Variants in TPM3 observed in about 807,000 individuals in gnomAD.
TPM3 encodes the protein tropomyosin 3.
Under a neutral mutation model 43.1 loss-of-function variants are expected in TPM3, and 16 were observed. The observed-to-expected ratio is 0.37, with a 90% CI of 0.25 to 0.56. TPM3 has a LOEUF of 0.56. Ranked by LOEUF, TPM3 falls within the 20% of genes least tolerant of loss-of-function variation. The probability of loss-of-function intolerance (pLI) is 0.77; values close to 1 mark genes in which losing one functional copy is unlikely to be tolerated. For missense variants in TPM3, 176 were observed against 337.2 expected (o/e 0.52, Z 3.74); for synonymous variants, 101 against 116.9 (o/e 0.86, Z 0.88).
At chr1:154,188,476 C>G (rs750344215) in intron 2 of TPM3, among the ~76,000 whole-genome samples, 1 of 150,622 alleles carries the variant, frequency 6.6e-6, no homozygotes, top group Non-Finnish European at 1.5e-5. Flanking sequence ...GAGATCGAGA[C>G]CATCCTGGCT....
intron 2 of TPM3, among the ~76,000 whole-genome samples, chr1:154,189,060 A>G (rs1473730040): frequency 7.1e-6 from 1 of 139,872 alleles, no homozygotes; most frequent in Non-Finnish European, 1.5e-5. Flanking sequence ...TGAACCCGGG[A>G]GGTGGAGGTT....
At chr1:154,183,340 C>G in intron 2 of TPM3, 1 of 1,440,028 alleles carries the variant, frequency 6.9e-7, no homozygotes, top group Admixed American at 2.3e-5. Context: ...CTCCCAGTCG[C>G]CCTGGAGTAC....
chr1:154,158,558 CCAGT>C (rs1034045946), downstream of TPM3: 3 of 342,520 alleles, frequency 8.8e-6, no homozygotes, highest in African/African-American at 6.3e-5. Flanking sequence ...TTTTTTCCAC[CCAGT>C]CAGAAGGACC....
chr1:154,191,971 C>T lies in TPM3; in HGVS notation c.48G>A (p.Lys16=), dbSNP rs1663698216. Residue 16 remains lysine (K), a synonymous_variant, in exon 1 of 10, where the codon AAG becomes AAA. Coordinates refer to ENST00000651641, the MANE Select transcript of TPM3 (RefSeq NM_152263.4). ...KKKMQMLKLD[K]ENALDRAEQA... ...GCTCTGCCCGATCCAGAGCATTCTC[C>T]TTGTCTAACTTCAGCATCTGCATCT... The T allele has an allele frequency of 6.2e-7, 1 of 1,613,860 alleles. No individual in the cohort carries two copies. Among genetic ancestry groups the T allele is most frequent in the Non-Finnish European group, 8.5e-7 (1 of 1,180,038 alleles).
intron 5 of TPM3, chr1:154,172,217 A>T: frequency 9.6e-7 from 1 of 1,039,148 alleles, no homozygotes; most frequent in Non-Finnish European, 1.5e-6. Flanking sequence ...AATTCAAAAA[A>T]TGGGAAGAGA....
intron 8 of TPM3, 86 bp downstream of exon 8, chr1:154,170,314 T>G (rs989081858): frequency 6.9e-7 from 1 of 1,457,382 alleles, no homozygotes; most frequent in African/African-American, 1.4e-5. Flanking sequence ...ACCAACTTCC[T>G]TTGGTGTACA....
chr1:154,186,663 A>G (rs1474756034), intron 2 of TPM3, among the ~76,000 whole-genome samples: 1 of 151,694 alleles, frequency 6.6e-6, no homozygotes, highest in East Asian at 1.9e-4. Context: ...GATTAAAATG[A>G]TCTTAGATGT....
chr1:154,170,505 G>A (rs1218464844), intron 7 of TPM3, 36 bp from the exon 8 acceptor site: 3 of 1,610,426 alleles, frequency 1.9e-6, no homozygotes, highest in African/African-American at 1.3e-5. Flanking sequence ...AACCAGAGAT[G>A]AAGACAAAGA....
chr1:154,155,333 CCA>C (rs1404680037), downstream of TPM3: 1 of 432,920 alleles, frequency 2.3e-6, no homozygotes, highest in African/African-American at 2.0e-5. Context: ...TTAATTTCTT[CCA>C]GTTTTAATTT....
At chr1:154,178,630 T>C (rs554365065) in intron 2 of TPM3, among the ~76,000 whole-genome samples, 3 of 152,298 alleles carry the variant, frequency 2.0e-5, no homozygotes, top group Admixed American at 2.0e-4. Context: ...ATAATACCAA[T>C]GGGTACCAAG....
intron 3 of TPM3, 97 bp from the exon 4 acceptor site, chr1:154,173,298 CCT>C (rs1661815096): frequency 2.1e-6 from 2 of 953,660 alleles, no homozygotes. Context: ...AAAGCCCACT[CCT>C]CTCTGTCTGC....
intron 2 of TPM3, among the ~76,000 whole-genome samples, chr1:154,185,373 A>C (rs917563360): frequency 5.8e-5 from 1 of 17,334 alleles, no homozygotes; most frequent in African/African-American, 3.5e-4. Context: ...ACTCTGTATC[A>C]AAAAAAAAAA....
At chr1:154,170,979 T>C (rs1177539670) in intron 6 of TPM3, 1 of 541,328 alleles carries the variant, frequency 1.8e-6, no homozygotes, top group East Asian at 3.2e-5. Context: ...CCCAAGGAGG[T>C]GTTTTTCCTT....
chr1:154,174,415 A>AC (rs1173721409), intron 3 of TPM3, among the ~76,000 whole-genome samples: 8 of 54,942 alleles, frequency 1.5e-4, no homozygotes, highest in East Asian at 5.9e-4. Context: ...TATACACACA[A>AC]AAATCCCATC....
chr1:154,156,781 A>G (rs1185454895), downstream of TPM3: 4 of 200,396 alleles, frequency 2.0e-5, no homozygotes, highest in East Asian at 3.1e-4. Flanking sequence ...TCAAACCCAG[A>G]AAAGGGTAAT....
chr1:154,172,517 T>C, intron 5 of TPM3: 1 of 494,192 alleles, frequency 2.0e-6, no homozygotes, highest in Non-Finnish European at 4.1e-6. Context: ...CTTGGCATAC[T>C]AAGTAGCTGG....
chr1:154,174,318 G>A (rs1344465022), intron 3 of TPM3, among the ~76,000 whole-genome samples: 1 of 146,480 alleles, frequency 6.8e-6, no homozygotes, highest in Non-Finnish European at 1.5e-5. Flanking sequence ...CTAGGGGATA[G>A]AGTGAGACTC....
chr1:154,168,649 G>A (rs1407506278), intron 9 of TPM3, among the ~76,000 whole-genome samples: 2 of 151,944 alleles, frequency 1.3e-5, no homozygotes, highest in African/African-American at 4.8e-5. Context: ...AGCCTCCCGA[G>A]TAGTTGGGAT....
rs1661355137 is a variant in TPM3 at position 154,169,571 on chromosome 1, T to G, written c.776-188A>C. The G allele has an allele frequency of 4.8e-6, 3 of 629,788 alleles. No individual in the cohort carries two copies. In the East Asian group the frequency reaches 8.3e-5, roughly 17 times the overall value. 39.0% of individuals were successfully genotyped at this position (629,788 alleles called of 1,614,324 possible). A position where few individuals can be genotyped will look rare whatever the true frequency, so the allele number is the denominator to read the frequency against. On this transcript the variant is annotated intron_variant, in intron 8 of 9. Coordinates refer to ENST00000651641, the MANE Select transcript of TPM3 (RefSeq NM_152263.4). ...AGATCTACTCTCTCCTATGACCAAC[T>G]TCCTTTCTTGATACTCCAAATCGAC... is the stretch of plus-strand genomic sequence containing the variant.
Sources: gnomAD v4.1 joint callset for allele counts (sites outside exome capture counted in the v4.1 genomes callset) on GRCh38, gnomAD v4.1.1 for gene constraint, MANE v1.5 for transcripts, NCBI Gene and HGNC (gene_info 2026-07-23, HGNC 2026-07-21) for gene names.